The following RAPGEF5 variants were observed in gnomAD, a reference collection of about 807,000 sequenced individuals.
RAPGEF5 encodes Rap guanine nucleotide exchange factor 5, also known as M-Ras-regulated GEF.
Under a neutral mutation model 125.2 loss-of-function variants are expected in RAPGEF5, and 65 were observed. That is an observed-to-expected ratio of 0.52 (90% CI 0.43 to 0.64). The LOEUF is 0.64. RAPGEF5 is among the 30% of genes least tolerant of loss of function. The pLI is 0.00. For missense variants in RAPGEF5, 958 were observed against 1,048.1 expected, an observed-to-expected ratio of 0.91 and a Z score of 1.19; for synonymous variants, 391 against 385.9, an observed-to-expected ratio of 1.01 and a Z score of -0.16.
intron 20 of RAPGEF5, among the ~76,000 whole-genome samples, chr7:22,144,219 C>T (rs1783355040): frequency 6.6e-6 from 1 of 152,106 alleles, no homozygotes; most frequent in Non-Finnish European, 1.5e-5. Context: ...GTACCACGCA[C>T]CCAGGTATAA....
At chr7:22,267,035 A>T (rs1180391395) in intron 6 of RAPGEF5, 23 bp from the exon 7 acceptor site, 4 of 1,587,920 alleles carry the variant, frequency 2.5e-6, no homozygotes, top group Non-Finnish European at 3.4e-6. Context: ...TAGGGGGGAA[A>T]ATCAAATTAG....
At chr7:22,265,473 A>G (rs939196839) in intron 7 of RAPGEF5, among the ~76,000 whole-genome samples, 2 of 152,206 alleles carry the variant, frequency 1.3e-5, no homozygotes, top group Non-Finnish European at 2.9e-5. Flanking sequence ...TTCATTGTGT[A>G]TACGTGCCAA....
intron 22 of RAPGEF5, 93 bp downstream of exon 22, chr7:22,136,840 G>T: frequency 9.1e-7 from 1 of 1,104,400 alleles, no homozygotes; most frequent in Non-Finnish European, 1.3e-6. Flanking sequence ...ACCTGACACG[G>T]TAGAGTACAA....
intron 1 of RAPGEF5, 45 bp downstream of exon 1, chr7:22,356,785 C>A (rs1203010813): frequency 4.1e-5 from 44 of 1,076,466 alleles, no homozygotes; most frequent in Non-Finnish European, 5.0e-5. Flanking sequence ...GCGGGCTCCA[C>A]GTGCGCGCCG....
Position 22,119,526 on chromosome 7 carries a change from C to T in RAPGEF5, c.*2880G>A, listed in dbSNP as rs1176490488. ...TGTAAAACAAAATTTTTTTTAATAGCAAGGTTGTGATTTTGCCTACGGGGT... is the reference window on the plus strand; with the variant it reads ...TGTAAAACAAAATTTTTTTTAATAGTAAGGTTGTGATTTTGCCTACGGGGT... On this transcript the variant is annotated 3_prime_UTR_variant, in exon 26 of 26. Transcript: ENST00000665637. The surrounding 1 kb of genome is among the most constrained non-coding windows in gnomAD (Gnocchi z 4.1). 6.6e-6 allele frequency: 1 copy of T among 152,044 alleles called. No individual in the cohort carries two copies. Among genetic ancestry groups the T allele is most frequent in the East Asian group, 1.9e-4 (1 of 5,194 alleles). The allele number at this position is 152,044 out of a possible 1,614,324, so 9.4% of individuals were successfully genotyped here.
Position 22,202,370 on chromosome 7 carries a change from G to A in RAPGEF5, c.997-8337C>T, listed in dbSNP as rs1189928468. ...TGAGAGGACATGGGTTACAGGGCTT[G>A]CCTTATCTACAGCCAAATCCTGGCA... On this transcript the variant is annotated intron_variant, in intron 9 of 25. Transcript: ENST00000665637. Among the ~76,000 whole-genome samples, 3 of 152,164 alleles carry A rather than the reference G, an allele frequency of 2.0e-5. No homozygotes were observed. In the East Asian group the frequency reaches 5.8e-4, roughly 29 times the overall value.
intron 7 of RAPGEF5, among the ~76,000 whole-genome samples, chr7:22,240,964 A>G (rs1367076150): frequency 1.3e-5 from 2 of 152,162 alleles, no homozygotes; most frequent in African/African-American, 2.4e-5. Flanking sequence ...AGCCCCTCCA[A>G]CAAGCCCCAG....
intron 6 of RAPGEF5, among the ~76,000 whole-genome samples, chr7:22,275,029 C>T (rs1003249668): frequency 6.6e-6 from 1 of 152,028 alleles, no homozygotes; most frequent in Non-Finnish European, 1.5e-5. Context: ...ATTTGCTATT[C>T]CCTGGATGGA....
chr7:22,211,193 G>GA (rs1785499841), intron 9 of RAPGEF5, among the ~76,000 whole-genome samples: 1 of 151,840 alleles, frequency 6.6e-6, no homozygotes, highest in Non-Finnish European at 1.5e-5. Flanking sequence ...ACTGCAAAAG[G>GA]AAAAAAAGGT....
intron 11 of RAPGEF5, among the ~76,000 whole-genome samples, chr7:22,169,837 G>C (rs1263935401): frequency 8.8e-6 from 1 of 113,762 alleles, no homozygotes; most frequent in African/African-American, 3.5e-5. Flanking sequence ...TCTAGCCTGT[G>C]CAACAGAGCG....
At chr7:22,198,103 G>A (rs1469044673) in intron 9 of RAPGEF5, among the ~76,000 whole-genome samples, 1 of 152,094 alleles carries the variant, frequency 6.6e-6, no homozygotes, top group Non-Finnish European at 1.5e-5. Context: ...TGTTGCCTAG[G>A]CTGGTCTTGA....
In RAPGEF5 at chr7:22,219,986, C is replaced by G; in HGVS notation, c.876G>C (p.Gly292=). The part of the protein sequence containing the change: ...EAESVPDSQA[G]VMCKLQERDE... ...CTCTTTCCTGGAGCTTGCACATCAC[C>G]CCTGCCTTAAGAGTTGGAGAAAAAG... The change falls in exon 9 of 26, where the codon GGG becomes GGC. Residue 292 remains glycine, a synonymous_variant. Coordinates refer to ENST00000665637, the MANE Select transcript of RAPGEF5 (RefSeq NM_012294.5). 2 of 1,613,370 alleles carry G rather than the reference C, an allele frequency of 1.2e-6. No homozygotes were observed. Among genetic ancestry groups the G allele is most frequent in the Non-Finnish European group, 1.7e-6 (2 of 1,179,582 alleles).
Position 22,162,478 on chromosome 7 carries a change from T to G in RAPGEF5, c.1347A>C (p.Lys449Asn). The G allele has an allele frequency of 6.2e-7, 1 of 1,605,554 alleles. No individual in the cohort carries two copies. The highest frequency in any genetic ancestry group is 8.5e-7 in the Non-Finnish European group (1 of 1,172,312). The change falls in exon 13 of 26, where the codon AAA becomes AAC. Residue 449 changes from lysine to asparagine, a missense_variant. Transcript: ENST00000665637. The stretch of plus-strand genomic sequence containing the variant: ...TCCACTGGGAAACAAGATGCAAGAC[T>G]TTACGTTTCCTACGCGGAACGTCTG... ...ENSDVPRRKR[K>N]VLHLVSQWIA... is the part of the protein sequence containing the mutation.
chr7:22,209,346 C>T (rs1355121564), intron 9 of RAPGEF5, among the ~76,000 whole-genome samples: 2 of 152,214 alleles, frequency 1.3e-5, no homozygotes, highest in African/African-American at 4.8e-5. Context: ...CCTTTCTTGG[C>T]TCATCCTTTA....
chr7:22,199,531 GAAAAAAAAA>G (rs35024654), intron 9 of RAPGEF5, among the ~76,000 whole-genome samples: 8,362 of 63,144 alleles, frequency 0.13, 506 homozygotes, highest in East Asian at 0.44. Context: ...CCTTAAAATT[GAAAAAAAAA>G]AAAAAAAAAA....
chr7:22,305,472 C>T (rs1298614563), intron 5 of RAPGEF5, among the ~76,000 whole-genome samples: 5 of 151,956 alleles, frequency 3.3e-5, no homozygotes, highest in Non-Finnish European at 4.4e-5. Context: ...TGAGATGTTT[C>T]GATACAGGCA....
At chr7:22,263,744 C>CAA (rs200233032) in intron 7 of RAPGEF5, among the ~76,000 whole-genome samples, 10 of 133,570 alleles carry the variant, frequency 7.5e-5, no homozygotes, top group South Asian at 2.4e-4. Flanking sequence ...AAACAAAAAA[C>CAA]AAAAAAAAAG....
chr7:22,125,608 C>T lies in RAPGEF5; in HGVS notation c.2532G>A (p.Gln844=), dbSNP rs777019272. 2 of 1,610,364 alleles carry T rather than the reference C, an allele frequency of 1.2e-6. No individual in the cohort carries two copies. Among genetic ancestry groups the T allele is most frequent in the Non-Finnish European group, 1.7e-6 (2 of 1,176,650 alleles). The part of the protein sequence containing the change: ...VRTLRHCRTN[Q]FGDLSPKEHQ... ...CACCTGACTTCAATTACTCACCAAACTGGTTAGTCCTGCAGTGTCTCAGGG... is the reference window on the plus strand; with the variant it reads ...CACCTGACTTCAATTACTCACCAAATTGGTTAGTCCTGCAGTGTCTCAGGG... Residue 844 remains glutamine (Q), a synonymous_variant, in exon 25 of 26, where the codon CAG becomes CAA. Transcript: ENST00000665637.
At chr7:22,187,297 T>G (rs1234331316) in intron 11 of RAPGEF5, among the ~76,000 whole-genome samples, 1 of 152,218 alleles carries the variant, frequency 6.6e-6, no homozygotes, top group Non-Finnish European at 1.5e-5. Flanking sequence ...GTTTTAGTGA[T>G]GAAAGATACT....
Sources: allele counts gnomAD v4.1 joint callset (sites outside exome capture counted in the v4.1 genomes callset), GRCh38; gene constraint gnomAD v4.1.1; non-coding constraint Gnocchi (gnomAD v3.1); transcripts MANE v1.5; gene names NCBI Gene and HGNC (gene_info 2026-07-23, HGNC 2026-07-21).